Variants in PIEZO2 observed in about 807,000 individuals in gnomAD.
The protein encoded by PIEZO2 is piezo-type mechanosensitive ion channel component 2.
Under a neutral mutation model 337.3 loss-of-function variants are expected in PIEZO2, and 172 were observed. The ratio of observed to expected loss-of-function variants is 0.51; its 90% CI spans 0.45 to 0.58. PIEZO2 has a LOEUF of 0.58. Ranked by LOEUF, PIEZO2 falls within the 20% of genes least tolerant of loss-of-function variation. The probability of loss-of-function intolerance (pLI) is 0.00; values close to 1 mark genes in which losing one functional copy is unlikely to be tolerated. For missense variants in PIEZO2, 3,028 were observed against 3,391.3 expected (o/e 0.89, Z 2.66); for synonymous variants, 1,251 against 1,228.5 (o/e 1.02, Z -0.38).
At chr18:11,063,096 A>G (rs1256037329) in intron 2 of PIEZO2, among the ~76,000 whole-genome samples, 1 of 152,012 alleles carries the variant, frequency 6.6e-6, no homozygotes, top group Non-Finnish European at 1.5e-5. Context: ...TATATGCAGC[A>G]TATTATAAAA....
At chr18:10,920,486 A>G (rs1284925906) in intron 3 of PIEZO2, among the ~76,000 whole-genome samples, 1 of 152,208 alleles carries the variant, frequency 6.6e-6, no homozygotes, top group African/African-American at 2.4e-5. Flanking sequence ...TGTAGTGGGT[A>G]GTATGTGACA....
intron 2 of PIEZO2, among the ~76,000 whole-genome samples, chr18:10,992,145 G>A (rs1361617655): frequency 6.6e-6 from 1 of 152,080 alleles, no homozygotes; most frequent in Non-Finnish European, 1.5e-5. Flanking sequence ...TTGTCAGATG[G>A]ATAGATTGCA....
At chr18:10,992,703 C>T (rs138937268) in intron 2 of PIEZO2, among the ~76,000 whole-genome samples, 1,996 of 152,276 alleles carry the variant, frequency 0.013, 43 homozygotes, top group African/African-American at 0.045. Context: ...ATTGCCTTGG[C>T]TATGCAGGCT....
intron 2 of PIEZO2, among the ~76,000 whole-genome samples, chr18:11,014,758 CCGGGGCCCCCTCATTCCT>C (rs2036043735): frequency 7.4e-6 from 1 of 135,616 alleles, no homozygotes. Context: ...GGACAGCAAT[CCGGGGCCCCCTCATTCCT>C]CAGTGGGGAA....
chr18:11,005,579 G>T (rs977638663), intron 2 of PIEZO2, among the ~76,000 whole-genome samples: 1 of 152,160 alleles, frequency 6.6e-6, no homozygotes, highest in Non-Finnish European at 1.5e-5. Context: ...GTAGATTAGC[G>T]ACTGCTAATG....
chr18:10,959,074 A>G (rs1178390758), intron 3 of PIEZO2, among the ~76,000 whole-genome samples: 1 of 152,212 alleles, frequency 6.6e-6, no homozygotes, highest in Non-Finnish European at 1.5e-5. Context: ...ATATGTCATC[A>G]GCAAAAATAT....
At position 10,804,008 on chromosome 18, in the gene PIEZO2, A is replaced by G. The variant is rs748275484; in HGVS notation, c.1081-14T>C. 1.4e-5 allele frequency: 22 copies of G among 1,537,122 alleles called. No homozygotes were observed. Among genetic ancestry groups the G allele is most frequent in the Non-Finnish European group, 1.8e-5 (21 of 1,146,928 alleles). Reference sequence around the variant, plus strand: ...CTCATCCTGCACCTGAAACACAGAAACAGGATCAGTCTTGCTTCCTGAGGC... The same window carrying G: ...CTCATCCTGCACCTGAAACACAGAAGCAGGATCAGTCTTGCTTCCTGAGGC... On this transcript the variant is annotated splice_polypyrimidine_tract_variant and intron_variant, in intron 8 of 55. Coordinates refer to ENST00000674853, the MANE Select transcript of PIEZO2 (RefSeq NM_001378183.1).
chr18:11,010,351 G>A (rs539360670), intron 2 of PIEZO2, among the ~76,000 whole-genome samples: 1 of 152,300 alleles, frequency 6.6e-6, no homozygotes, highest in East Asian at 1.9e-4. Context: ...GGGTCCCTGT[G>A]AGCAGATGCT....
intron 36 of PIEZO2, chr18:10,725,470 TG>T: frequency 1.3e-6 from 2 of 1,551,950 alleles, no homozygotes; most frequent in Non-Finnish European, 1.8e-6. Flanking sequence ...GGTCAGGGTG[TG>T]GGTATCCGGG....
Position 10,767,472 on chromosome 18 carries a change from T to C in PIEZO2, c.2946+2676A>G, listed in dbSNP as rs1020449468. ...GTGGAGAGGGGCTGCATCCTGCCTG[T>C]CCCCCAAGCCCCCAGTGCCAAGATG... On this transcript the variant is annotated intron_variant, in intron 21 of 55. Transcript: ENST00000674853. This position sits in a 1 kb window ranked among gnomAD's most constrained non-coding sequence, Gnocchi z 4.2. Among the ~76,000 whole-genome samples the C allele has an allele frequency of 6.6e-6, 1 of 151,888 alleles. No individual in the cohort carries two copies. The highest frequency in any genetic ancestry group is 6.6e-5 in the Admixed American group (1 of 15,254).
chr18:10,805,650 G>A (rs781739941), intron 8 of PIEZO2, among the ~76,000 whole-genome samples: 1 of 152,206 alleles, frequency 6.6e-6, no homozygotes, highest in Non-Finnish European at 1.5e-5. Context: ...AATTTTAGAA[G>A]AGAACTGAAG....
chr18:10,894,545 A>G lies in PIEZO2; in HGVS notation c.329+16641T>C, dbSNP rs1489114975. The stretch of plus-strand genomic sequence containing the variant: ...AAGCACGCCTCAAGTGATCATGCAA[A>G]CAACTCCAGTGAAGACACTGCGCAT... On this transcript the variant is annotated intron_variant, in intron 4 of 55. Transcript: ENST00000674853. The surrounding 1 kb of genome is among the most constrained non-coding windows in gnomAD (Gnocchi z 4.1). The G allele has an allele frequency of 2.0e-5, 3 of 152,242 alleles. No homozygotes were observed. The highest frequency in any genetic ancestry group is 7.2e-5 in the African/African-American group (3 of 41,478). The allele number at this position is 152,242 out of a possible 1,614,324, so 9.4% of individuals were successfully genotyped here. A position where few individuals can be genotyped will look rare whatever the true frequency, so the allele number is the denominator to read the frequency against.
intron 3 of PIEZO2, among the ~76,000 whole-genome samples, chr18:10,922,818 T>C (rs1228292874): frequency 6.6e-6 from 1 of 152,118 alleles, no homozygotes; most frequent in African/African-American, 2.4e-5. Flanking sequence ...ATTATACTTT[T>C]CAAAGAACTA....
rs183217467 is a variant in PIEZO2, at chr18:11,017,341, T to C, written c.161-37681A>G. Among the ~76,000 whole-genome samples, 5 of 152,332 alleles carry C rather than the reference T, an allele frequency of 3.3e-5. No homozygotes were observed. The East Asian group carries it at 9.6e-4, about 29-fold the overall frequency. On this transcript the variant is annotated intron_variant, in intron 2 of 55. Coordinates refer to ENST00000674853, the MANE Select transcript of PIEZO2 (RefSeq NM_001378183.1). ...GAGTTCTTCAAGACGTAACCTCTAA[T>C]GTCCCTTACAATTCTGAAAATCCAT...
intron 8 of PIEZO2, among the ~76,000 whole-genome samples, chr18:10,804,859 C>G (rs990518440): frequency 1.3e-5 from 2 of 152,184 alleles, no homozygotes; most frequent in Non-Finnish European, 2.9e-5. Flanking sequence ...TTCTCATTGA[C>G]TCAATGCAAC....
Position 11,148,654 on chromosome 18 carries a change from A to G in PIEZO2, c.-66T>C, listed in dbSNP as rs895386897. ...AGGGTCCCTAGGGGTGGTGGGACGC[A>G]AGGCCCATGCCCGTCTATGGCCTCT... On this transcript the variant is annotated 5_prime_UTR_variant, in exon 1 of 56. Coordinates refer to ENST00000674853, the MANE Select transcript of PIEZO2 (RefSeq NM_001378183.1). The surrounding 1 kb of genome is among the most constrained non-coding windows in gnomAD (Gnocchi z 5.2). 2.1e-5 allele frequency: 32 copies of G among 1,494,534 alleles called. No individual in the cohort carries two copies. The highest frequency in any genetic ancestry group is 2.9e-5 in the Non-Finnish European group (32 of 1,109,556). 92.6% of individuals were successfully genotyped at this position (1,494,534 alleles called of 1,614,324 possible).
intron 36 of PIEZO2, among the ~76,000 whole-genome samples, chr18:10,720,397 GTGTGTGTATGTGTATGTGTA>G (rs1247312954): frequency 9.8e-4 from 21 of 21,434 alleles, no homozygotes; most frequent in African/African-American, 2.4e-3. Flanking sequence ...GTGTGTGTGT[GTGTGTGTATGTGTATGTGTA>G]TGTATATATA....
Position 10,993,267 on chromosome 18 carries a change from T to C in PIEZO2, c.161-13607A>G, listed in dbSNP as rs991745144. On this transcript the variant is annotated intron_variant, in intron 2 of 55. Coordinates refer to ENST00000674853, the MANE Select transcript of PIEZO2 (RefSeq NM_001378183.1). The surrounding 1 kb of genome is among the most constrained non-coding windows in gnomAD (Gnocchi z 5.0). The stretch of plus-strand genomic sequence containing the variant: ...CCAGAACTTCCAATACTATGTTGAA[T>C]AGGAGTGGTGAGAGAGTGCCGGTTT... 4.6e-5 allele frequency among the ~76,000 whole-genome samples: 7 copies of C among 152,176 alleles called. No individual in the cohort carries two copies. The highest frequency in any genetic ancestry group is 7.4e-5 in the Non-Finnish European group (5 of 68,026).
At chr18:10,916,791 A>G (rs1737049801) in intron 3 of PIEZO2, among the ~76,000 whole-genome samples, 1 of 152,174 alleles carries the variant, frequency 6.6e-6, no homozygotes, top group Non-Finnish European at 1.5e-5. Flanking sequence ...AAGGCGGAGG[A>G]GGCACCAAGA....
Sources: gnomAD v4.1 joint callset for allele counts (sites outside exome capture counted in the v4.1 genomes callset) on GRCh38, gnomAD v4.1.1 for gene constraint, Gnocchi (gnomAD v3.1) non-coding constraint, MANE v1.5 for transcripts, NCBI Gene and HGNC (gene_info 2026-07-23, HGNC 2026-07-21) for gene names.